The following ZNF277 variants were observed in gnomAD, a reference collection of about 807,000 sequenced individuals.
ZNF277 encodes the protein zinc finger protein 277.
ZNF277 carries 55 observed loss-of-function variants against 60.7 expected under a neutral mutation model. That is an observed-to-expected ratio of 0.91 (90% CI 0.73 to 1.13). ZNF277 has a LOEUF of 1.13. Ranked by LOEUF, ZNF277 falls within the 50% of genes most tolerant of loss-of-function variation. The pLI is 0.00. For synonymous variants in ZNF277, 178 were observed against 179.3 expected (o/e 0.99, Z 0.06); for missense variants, 510 against 523.0 (o/e 0.98, Z 0.24).
chr7:112,209,529 TA>T (rs1314012117), intron 1 of ZNF277, among the ~76,000 whole-genome samples: 2 of 152,088 alleles, frequency 1.3e-5, no homozygotes, highest in Non-Finnish European at 2.9e-5. Context: ...ATCTATAACA[TA>T]AAAAAATTTC....
intron 1 of ZNF277, among the ~76,000 whole-genome samples, chr7:112,208,534 A>C: frequency 6.7e-6 from 1 of 149,932 alleles, no homozygotes; most frequent in African/African-American, 2.5e-5. Context: ...TCACAGCACC[A>C]CTCCCCGAGT....
At chr7:112,238,908 C>T (rs563598138) in intron 1 of ZNF277, among the ~76,000 whole-genome samples, 2 of 152,000 alleles carry the variant, frequency 1.3e-5, no homozygotes, top group South Asian at 2.1e-4. Context: ...TGAACGTGCC[C>T]GACCTCATCC....
At chr7:112,211,499 T>C (rs527613780) in intron 1 of ZNF277, among the ~76,000 whole-genome samples, 103 of 152,358 alleles carry the variant, frequency 6.8e-4, no homozygotes, top group African/African-American at 2.4e-3. Context: ...CTGATTCTGT[T>C]CTTGGCACAT....
At chr7:112,259,075 A>G (rs959245407) in intron 1 of ZNF277, among the ~76,000 whole-genome samples, 99 of 152,160 alleles carry the variant, frequency 6.5e-4, no homozygotes, top group African/African-American at 2.2e-3. Context: ...ACTGATATTA[A>G]CCATCTGTAT....
intron 5 of ZNF277, among the ~76,000 whole-genome samples, chr7:112,323,075 T>C (rs28817601): frequency 0.28 from 41,678 of 151,080 alleles, 6,664 homozygotes; most frequent in African/African-American, 0.43. Context: ...GGTTGGAGCA[T>C]ACCTTCAACA....
intron 1 of ZNF277, among the ~76,000 whole-genome samples, chr7:112,279,794 AAG>A (rs1437983453): frequency 6.6e-6 from 1 of 152,200 alleles, no homozygotes; most frequent in Non-Finnish European, 1.5e-5. Context: ...TAAAAAACAT[AAG>A]AGAAAATATA....
At chr7:112,265,979 A>G (rs907381641) in intron 1 of ZNF277, among the ~76,000 whole-genome samples, 1 of 152,092 alleles carries the variant, frequency 6.6e-6, no homozygotes, top group Non-Finnish European at 1.5e-5. Context: ...AAGGGTCAGT[A>G]TTTGGAGAGG....
At chr7:112,209,458 G>C (rs1018979227) in intron 1 of ZNF277, among the ~76,000 whole-genome samples, 3 of 152,108 alleles carry the variant, frequency 2.0e-5, no homozygotes, top group Admixed American at 6.5e-5. Flanking sequence ...CTGATAGAAA[G>C]CTTAGTTTTT....
chr7:112,211,600 A>G (rs1041636022), intron 1 of ZNF277, among the ~76,000 whole-genome samples: 1 of 152,174 alleles, frequency 6.6e-6, no homozygotes, highest in South Asian at 2.1e-4. Flanking sequence ...TCTTGACTTT[A>G]CCTCCTTTAA....
chr7:112,240,839 A>G (rs1790929203), intron 1 of ZNF277, among the ~76,000 whole-genome samples: 2 of 152,202 alleles, frequency 1.3e-5, no homozygotes, highest in South Asian at 2.1e-4. Flanking sequence ...CTCTTACCAT[A>G]TATAAAAATC....
At position 112,340,838 on chromosome 7, in the gene ZNF277, G is replaced by C. The variant is rs755328575; in HGVS notation, c.1010-34G>C. On this transcript the variant is annotated intron_variant, in intron 10 of 11. Coordinates refer to ENST00000361822, the MANE Select transcript of ZNF277 (RefSeq NM_021994.3). The stretch of plus-strand genomic sequence containing the variant: ...ATAGTGCAAAAAATGGGTCTGAACA[G>C]TTGTCTAATGATTCTGTATTTTGTC... The C allele has an allele frequency of 6.3e-6, 10 of 1,598,378 alleles. No homozygotes were observed. In the Admixed American group the frequency reaches 1.6e-4, roughly 25 times the overall value.
chr7:112,263,553 A>G (rs1791481024), intron 1 of ZNF277, among the ~76,000 whole-genome samples: 1 of 152,152 alleles, frequency 6.6e-6, no homozygotes, highest in Non-Finnish European at 1.5e-5. Flanking sequence ...CCCTTCAACT[A>G]TGAAAGCCCC....
chr7:112,340,837 A>G, intron 10 of ZNF277, 35 bp from the exon 11 acceptor site: 2 of 1,595,600 alleles, frequency 1.3e-6, no homozygotes, highest in Middle Eastern at 1.7e-4. Context: ...GGGTCTGAAC[A>G]GTTGTCTAAT....
chr7:112,224,367 C>T (rs887618204), intron 1 of ZNF277, among the ~76,000 whole-genome samples: 43 of 152,320 alleles, frequency 2.8e-4, no homozygotes, highest in Non-Finnish European at 4.3e-4. Context: ...CATTCAAGGC[C>T]GCCCTGGGCT....
intron 7 of ZNF277, among the ~76,000 whole-genome samples, chr7:112,331,786 T>C (rs1203330776): frequency 7.2e-5 from 11 of 152,094 alleles, no homozygotes; most frequent in Admixed American, 7.2e-4. Context: ...TAATAGGGAG[T>C]GGACTTCAGT....
Position 112,318,392 on chromosome 7 carries a change from T to C in ZNF277, c.557+119T>C, listed in dbSNP as rs566927896. 6.5e-6 allele frequency: 5 copies of C among 771,804 alleles called. No individual in the cohort carries two copies. The South Asian group carries it at 7.6e-5, about 12-fold the overall frequency. The allele number at this position is 771,804 out of a possible 1,614,324, so 47.8% of individuals were successfully genotyped here. A position where few individuals can be genotyped will look rare whatever the true frequency, so the allele number is the denominator to read the frequency against. On this transcript the variant is annotated intron_variant, in intron 5 of 11. Coordinates refer to ENST00000361822, the MANE Select transcript of ZNF277 (RefSeq NM_021994.3). ...TGTTGGCTCAGGACCCTTTCGTATA[T>C]AAGCAGTCCTTTTTAAAAATATACC...
At chr7:112,329,447 T>C (rs1199870981) in intron 6 of ZNF277, among the ~76,000 whole-genome samples, 1 of 152,212 alleles carries the variant, frequency 6.6e-6, no homozygotes, top group East Asian at 1.9e-4. Context: ...ATGAGAATTA[T>C]ATGGTAGTAA....
chr7:112,259,771 T>C (rs1367581848), intron 1 of ZNF277, among the ~76,000 whole-genome samples: 1 of 152,176 alleles, frequency 6.6e-6, no homozygotes, highest in Non-Finnish European at 1.5e-5. Flanking sequence ...ACAAACTGAG[T>C]AGTCCTTATT....
At position 112,274,649 on chromosome 7, in the gene ZNF277, A is replaced by G. The variant is rs576118526; in HGVS notation, c.92-12224A>G. On this transcript the variant is annotated intron_variant, in intron 1 of 11. Coordinates refer to ENST00000361822, the MANE Select transcript of ZNF277 (RefSeq NM_021994.3). The stretch of plus-strand genomic sequence containing the variant: ...CCATAACTCAGAAATTTATGATTCT[A>G]TGTAAAACATTAATTATAATAGGGG... Among the ~76,000 whole-genome samples the G allele has an allele frequency of 1.0e-3, 157 of 152,344 alleles. 2 individuals carry two copies. Among genetic ancestry groups the G allele is most frequent in the African/African-American group, 3.6e-3 (148 of 41,578 alleles).
Sources: gnomAD v4.1 joint callset for allele counts (sites outside exome capture counted in the v4.1 genomes callset) on GRCh38, gnomAD v4.1.1 for gene constraint, MANE v1.5 for transcripts, NCBI Gene and HGNC (gene_info 2026-07-23, HGNC 2026-07-21) for gene names.